NCAM2: variants seen among roughly 807,000 people sequenced by gnomAD.
The protein encoded by NCAM2 is N-CAM-2.
A neutral mutation model predicts 98.1 loss-of-function variants in NCAM2; 30 were observed. The ratio of observed to expected loss-of-function variants is 0.31; its 90% confidence interval spans 0.23 to 0.41. The LOEUF is 0.41. Ranked by LOEUF, NCAM2 falls within the 10% of genes least tolerant of loss-of-function variation. The probability of loss-of-function intolerance (pLI) is 1.00; values close to 1 mark genes in which losing one functional copy is unlikely to be tolerated. For missense variants in NCAM2, 867 were observed against 1,005.8 expected, an observed-to-expected ratio of 0.86 and a Z score of 1.87; for synonymous variants, 368 against 342.4, an observed-to-expected ratio of 1.07 and a Z score of -0.83.
intron 15 of NCAM2, among the ~76,000 whole-genome samples, chr21:21,478,088 A>T (rs1463764983): frequency 1.3e-5 from 2 of 152,166 alleles, no homozygotes; most frequent in African/African-American, 4.8e-5. Context: ...GTATGTTAGT[A>T]ATATTATGAA....
intron 1 of NCAM2, among the ~76,000 whole-genome samples, chr21:21,115,489 A>G (rs1028295116): frequency 2.0e-5 from 3 of 152,312 alleles, no homozygotes; most frequent in East Asian, 1.9e-4. Context: ...TAATTAGAAT[A>G]TTAGGTCCAT....
chr21:21,128,167 T>A (rs2066866263), intron 1 of NCAM2, among the ~76,000 whole-genome samples: 1 of 152,174 alleles, frequency 6.6e-6, no homozygotes, highest in Non-Finnish European at 1.5e-5. Flanking sequence ...GGGACTGTAG[T>A]TCATATTGTG....
intron 1 of NCAM2, among the ~76,000 whole-genome samples, chr21:21,238,176 C>G (rs112215523): frequency 0.012 from 1,851 of 152,112 alleles, 48 homozygotes; most frequent in African/African-American, 0.043. Context: ...AGGCTGGTCT[C>G]AAACTCCTGA....
At chr21:21,434,715 C>A (rs62214324) in intron 12 of NCAM2, among the ~76,000 whole-genome samples, 11,919 of 152,128 alleles carry the variant, frequency 0.078, 518 homozygotes, top group East Asian at 0.16. Context: ...TGGTGAGCAT[C>A]GCTGCCTTCC....
intron 8 of NCAM2, among the ~76,000 whole-genome samples, chr21:21,357,407 G>A (rs964553738): frequency 1.3e-5 from 2 of 151,944 alleles, no homozygotes; most frequent in African/African-American, 4.8e-5. Flanking sequence ...ATATTATAGG[G>A]GGCATTTTAA....
intron 1 of NCAM2, among the ~76,000 whole-genome samples, chr21:21,202,086 G>A (rs1386850776): frequency 1.3e-5 from 2 of 152,128 alleles, no homozygotes; most frequent in Admixed American, 1.3e-4. Context: ...AAAAGGGGAA[G>A]GAGCATAGCA....
chr21:21,091,255 T>C (rs2066006594), intron 1 of NCAM2, among the ~76,000 whole-genome samples: 1 of 152,214 alleles, frequency 6.6e-6, no homozygotes, highest in African/African-American at 2.4e-5. Flanking sequence ...TGTAATTATA[T>C]AGTTCTGCTG....
At chr21:21,271,798 TTTTG>T (rs1223953882) in intron 1 of NCAM2, among the ~76,000 whole-genome samples, 1 of 152,160 alleles carries the variant, frequency 6.6e-6, no homozygotes, top group Non-Finnish European at 1.5e-5. Flanking sequence ...GTTTACTATT[TTTTG>T]TTTGTGTTAT....
chr21:21,478,809 A>G (rs1472418587), intron 15 of NCAM2, among the ~76,000 whole-genome samples: 2 of 152,102 alleles, frequency 1.3e-5, no homozygotes, highest in East Asian at 1.9e-4. Context: ...CATTTTACAA[A>G]TATGATTTTA....
chr21:21,145,483 T>C (rs1306802080), intron 1 of NCAM2, among the ~76,000 whole-genome samples: 2 of 152,176 alleles, frequency 1.3e-5, no homozygotes, highest in Non-Finnish European at 2.9e-5. Context: ...GTATGCAATA[T>C]GTCTTATAAC....
chr21:21,017,947 G>A (rs990774558), intron 1 of NCAM2, among the ~76,000 whole-genome samples: 2 of 151,994 alleles, frequency 1.3e-5, no homozygotes, highest in Non-Finnish European at 2.9e-5. Context: ...ATTCTATGCT[G>A]TATCAAATTC....
intron 12 of NCAM2, among the ~76,000 whole-genome samples, chr21:21,439,360 C>A (rs1013105610): frequency 6.6e-6 from 1 of 152,120 alleles, no homozygotes. Context: ...CTCAGGTGAT[C>A]CAATCGCCTT....
intron 9 of NCAM2, among the ~76,000 whole-genome samples, chr21:21,394,823 T>C (rs1222220563): frequency 6.6e-6 from 1 of 152,080 alleles, no homozygotes; most frequent in African/African-American, 2.4e-5. Flanking sequence ...GATATAACAC[T>C]GGATTGAAGT....
chr21:21,227,531 A>T (rs1167051982), intron 1 of NCAM2, among the ~76,000 whole-genome samples: 22 of 151,982 alleles, frequency 1.4e-4, no homozygotes, highest in Non-Finnish European at 1.2e-4. Flanking sequence ...TAATATGCAA[A>T]TCCAAGTCAG....
chr21:21,398,700 G>C (rs1272354159), intron 9 of NCAM2, among the ~76,000 whole-genome samples: 1 of 152,094 alleles, frequency 6.6e-6, no homozygotes, highest in African/African-American at 2.4e-5. Context: ...GTCAGCAAGG[G>C]GCTTCTAAAA....
At chr21:21,136,227 A>G (rs557084836) in intron 1 of NCAM2, among the ~76,000 whole-genome samples, 1 of 152,224 alleles carries the variant, frequency 6.6e-6, no homozygotes, top group South Asian at 2.1e-4. Flanking sequence ...TTTTCTTCTG[A>G]TACAGTTTGC....
At chr21:21,411,112 G>A (rs912861177) in intron 10 of NCAM2, among the ~76,000 whole-genome samples, 2 of 28,204 alleles carry the variant, frequency 7.1e-5, no homozygotes, top group African/African-American at 1.7e-4. Flanking sequence ...ACATATATAT[G>A]TATATATATA....
intron 1 of NCAM2, among the ~76,000 whole-genome samples, chr21:21,274,715 T>C (rs1381979484): frequency 1.3e-5 from 2 of 152,294 alleles, no homozygotes; most frequent in Non-Finnish European, 2.9e-5. Context: ...ACTGTTAATG[T>C]GGAAGCCTAG....
intron 12 of NCAM2, among the ~76,000 whole-genome samples, chr21:21,446,067 AT>A (rs1227077813): frequency 2.0e-5 from 3 of 151,680 alleles, no homozygotes; most frequent in Admixed American, 6.6e-5. Context: ...TCTGAAAATG[AT>A]TTTTTTTCTC....
Sources: allele counts gnomAD v4.1 joint callset (sites outside exome capture counted in the v4.1 genomes callset), GRCh38; gene constraint gnomAD v4.1.1; transcripts MANE v1.5; gene names NCBI Gene and HGNC (gene_info 2026-07-23, HGNC 2026-07-21).